SAMD3: variants seen among roughly 807,000 people sequenced by gnomAD.
SAMD3 encodes sterile alpha motif domain-containing protein 3.
Under a neutral mutation model 58.5 loss-of-function variants are expected in SAMD3, and 63 were observed. That is an observed-to-expected ratio of 1.08 (90% CI 0.88 to 1.33). SAMD3 has a LOEUF of 1.33. Ranked by LOEUF, SAMD3 falls within the 40% of genes most tolerant of loss-of-function variation. The pLI, the probability that SAMD3 is intolerant of heterozygous loss-of-function variation, is 0.00. For missense variants in SAMD3, 604 were observed against 608.4 expected, an observed-to-expected ratio of 0.99 and a Z score of 0.08; for synonymous variants, 220 against 210.3, an observed-to-expected ratio of 1.05 and a Z score of -0.40.
chr6:130,233,582 C>T (rs1237270096), intron 2 of SAMD3, among the ~76,000 whole-genome samples: 1 of 152,198 alleles, frequency 6.6e-6, no homozygotes, highest in Non-Finnish European at 1.5e-5. Flanking sequence ...TTCTATTCAA[C>T]AGCGATTTCT....
At chr6:130,257,874 C>A (rs1773977326) in intron 2 of SAMD3, among the ~76,000 whole-genome samples, 1 of 152,048 alleles carries the variant, frequency 6.6e-6, no homozygotes, top group East Asian at 1.9e-4. Flanking sequence ...ACTATTCTGT[C>A]TTGTATTTCC....
intron 1 of SAMD3, among the ~76,000 whole-genome samples, chr6:130,359,929 A>T (rs1777936586): frequency 6.6e-6 from 1 of 152,206 alleles, no homozygotes; most frequent in African/African-American, 2.4e-5. Context: ...GTGCTAAATA[A>T]GTACTGAACT....
upstream of SAMD3, among the ~76,000 whole-genome samples, chr6:130,226,488 T>C (rs1277316904): frequency 6.6e-6 from 1 of 152,262 alleles, no homozygotes; most frequent in African/African-American, 2.4e-5. Flanking sequence ...AATGTCATTA[T>C]GCACAAATTA....
At chr6:130,205,749 G>C (rs552993853) in intron 5 of SAMD3, among the ~76,000 whole-genome samples, 20 of 152,270 alleles carry the variant, frequency 1.3e-4, no homozygotes, top group Admixed American at 5.2e-4. Flanking sequence ...AAAGTGATCA[G>C]TTTTATTAGC....
chr6:130,353,664 G>T (rs1242662543), intron 1 of SAMD3, among the ~76,000 whole-genome samples: 2 of 152,082 alleles, frequency 1.3e-5, no homozygotes, highest in Non-Finnish European at 2.9e-5. Context: ...TTCTACATCA[G>T]CCATCTCAAA....
intron 8 of SAMD3, among the ~76,000 whole-genome samples, chr6:130,164,126 A>G (rs2114624717): frequency 6.6e-6 from 1 of 151,810 alleles, no homozygotes; most frequent in Admixed American, 6.6e-5. Flanking sequence ...CTCTCTAAAG[A>G]AATTGCCATG....
intron 2 of SAMD3, chr6:130,286,177 C>T (rs1032088233): frequency 1.3e-5 from 2 of 152,204 alleles, no homozygotes; most frequent in Non-Finnish European, 2.9e-5. Context: ...AGGCTCTTAC[C>T]TGCTTTCTTC....
rs2114532778 is a variant in SAMD3 at position 130,144,422 on chromosome 6, T to G, written c.*98A>C. The G allele has an allele frequency of 8.9e-7, 1 of 1,126,282 alleles. No individual in the cohort carries two copies. Among genetic ancestry groups the G allele is most frequent in the Non-Finnish European group, 1.3e-6 (1 of 791,278 alleles). 69.8% of individuals were successfully genotyped at this position (1,126,282 alleles called of 1,614,324 possible). ...AGCATCTATAAATACAAGATGATTT[T>G]CTCATACCTACCTCTACCACAACCC... On this transcript the variant is annotated 3_prime_UTR_variant, in exon 12 of 12. Transcript: ENST00000439090.
chr6:130,213,739 C>T (rs967582567), intron 4 of SAMD3, among the ~76,000 whole-genome samples: 26 of 152,218 alleles, frequency 1.7e-4, no homozygotes, highest in Admixed American at 1.7e-3. Context: ...ATAAAACCGT[C>T]CCCAAACTTC....
chr6:130,231,048 T>A (rs73614579), intron 2 of SAMD3, among the ~76,000 whole-genome samples: 1,897 of 152,310 alleles, frequency 0.012, 29 homozygotes, highest in African/African-American at 0.043. Flanking sequence ...TTAAAAATTG[T>A]GTGCATGGGT....
At chr6:130,347,914 GC>G (rs1226692490) in intron 1 of SAMD3, among the ~76,000 whole-genome samples, 3 of 152,128 alleles carry the variant, frequency 2.0e-5, no homozygotes, top group Admixed American at 6.5e-5. Context: ...GAGAGTGGGG[GC>G]CAATATTCAA....
chr6:130,184,049 C>A, intron 7 of SAMD3, 54 bp downstream of exon 7: 1 of 1,399,312 alleles, frequency 7.1e-7, no homozygotes, highest in South Asian at 1.2e-5. Context: ...CAACACAAGG[C>A]AATTATTTTA....
rs1287345204 is a variant in SAMD3, at chr6:130,279,733, C to T, written c.-188+33245G>A. On this transcript the variant is annotated intron_variant, in intron 2 of 13. Coordinates refer to the SAMD3 transcript ENST00000368134. The stretch of plus-strand genomic sequence containing the variant: ...CTCCTGACCTCAGGTGACCCACCCG[C>T]CTCGGCCTCCCAAAGTGATGGGATT... Among the ~76,000 whole-genome samples the T allele has an allele frequency of 3.3e-5, 5 of 152,134 alleles. No individual in the cohort carries two copies. The East Asian group carries it at 9.6e-4, about 29-fold the overall frequency.
chr6:130,162,074 A>C (rs1790327747), intron 8 of SAMD3: 1 of 521,230 alleles, frequency 1.9e-6, no homozygotes, highest in African/African-American at 2.0e-5. Context: ...TAGAGGAATC[A>C]GCGTAAATTA....
intron 8 of SAMD3, among the ~76,000 whole-genome samples, chr6:130,167,607 CTAAT>C (rs1485405502): frequency 2.0e-5 from 3 of 152,120 alleles, no homozygotes; most frequent in Non-Finnish European, 4.4e-5. Flanking sequence ...GTTTAAGAAT[CTAAT>C]TATATCTGTT....
intron 8 of SAMD3, among the ~76,000 whole-genome samples, chr6:130,164,826 A>G (rs1562385009): frequency 6.6e-6 from 1 of 152,134 alleles, no homozygotes; most frequent in Non-Finnish European, 1.5e-5. Context: ...CCTTGTCACC[A>G]CACCTAACTT....
chr6:130,359,652 C>T (rs921602902), intron 1 of SAMD3, among the ~76,000 whole-genome samples: 4 of 152,184 alleles, frequency 2.6e-5, no homozygotes, highest in Non-Finnish European at 5.9e-5. Flanking sequence ...ACACACCAGA[C>T]CACAATAAAT....
chr6:130,292,887 G>T (rs1031299245), intron 2 of SAMD3, among the ~76,000 whole-genome samples: 1 of 152,042 alleles, frequency 6.6e-6, no homozygotes, highest in Non-Finnish European at 1.5e-5. Flanking sequence ...CAAAGTGCTG[G>T]GATTACATGC....
intron 1 of SAMD3, among the ~76,000 whole-genome samples, chr6:130,330,772 G>A (rs1250152136): frequency 1.3e-5 from 2 of 152,108 alleles, no homozygotes; most frequent in Non-Finnish European, 2.9e-5. Context: ...TCGGCTGTTT[G>A]GGTGCTACCT....
Sources: allele counts gnomAD v4.1 joint callset (sites outside exome capture counted in the v4.1 genomes callset), GRCh38; gene constraint gnomAD v4.1.1; transcripts MANE v1.5; gene names NCBI Gene and HGNC (gene_info 2026-07-23, HGNC 2026-07-21).